The following UBN2 variants were observed in gnomAD, a reference collection of about 807,000 sequenced individuals.
The protein encoded by UBN2 is ubinuclein-2.
In UBN2, 35 loss-of-function variants were observed where a neutral mutation model predicts 120.2. The observed-to-expected ratio is 0.29, with a 90% CI of 0.22 to 0.39. UBN2 has a LOEUF of 0.39. UBN2 is among the 10% of genes least tolerant of loss of function. The pLI is 1.00. For missense variants in UBN2, 1,693 were observed against 1,663.2 expected (o/e 1.02, Z -0.31); for synonymous variants, 661 against 648.7 (o/e 1.02, Z -0.29).
intron 2 of UBN2, among the ~76,000 whole-genome samples, chr7:139,237,435 T>G (rs1316242270): frequency 2.0e-5 from 3 of 152,108 alleles, no homozygotes; most frequent in Non-Finnish European, 4.4e-5. Flanking sequence ...TAGCTGTGAC[T>G]ACAGGGGCAA....
rs1798373120 is a variant in UBN2, at chr7:139,307,214, A to G, written c.*9378A>G. On this transcript the variant is annotated 3_prime_UTR_variant, in exon 18 of 18. Coordinates refer to ENST00000473989, the MANE Select transcript of UBN2 (RefSeq NM_173569.4). Reference sequence around the variant, plus strand: ...GTTGATGGTCCTCTAGGTGAAAGACAAGAATTACTGTATTGCATTTGCTTA... The same window carrying G: ...GTTGATGGTCCTCTAGGTGAAAGACGAGAATTACTGTATTGCATTTGCTTA... 6.6e-6 allele frequency: 1 copy of G among 152,238 alleles called. No individual in the cohort carries two copies. Among genetic ancestry groups the G allele is most frequent in the South Asian group, 2.1e-4 (1 of 4,828 alleles). The allele number at this position is 152,238 out of a possible 1,614,324, so 9.4% of individuals were successfully genotyped here.
intron 3 of UBN2, among the ~76,000 whole-genome samples, chr7:139,252,936 GTTCT>G (rs1049153676): frequency 6.6e-6 from 1 of 151,972 alleles, no homozygotes; most frequent in African/African-American, 2.4e-5. Flanking sequence ...AGATTTTAGT[GTTCT>G]TTTTTTTTAA....
intron 1 of UBN2, among the ~76,000 whole-genome samples, chr7:139,236,332 A>T (rs747896220): frequency 6.6e-6 from 1 of 152,202 alleles, no homozygotes; most frequent in African/African-American, 2.4e-5. Context: ...AGTAATGTGT[A>T]TTCCCTGAAT....
intron 13 of UBN2, 109 bp from the exon 14 acceptor site, chr7:139,281,896 T>C (rs1563221637): frequency 2.1e-6 from 2 of 949,076 alleles, no homozygotes; most frequent in Non-Finnish European, 3.3e-6. Flanking sequence ...GTACTTCCAA[T>C]TGGTAGTGAG....
chr7:139,324,534 A>C, the UBN2 span, among the ~76,000 whole-genome samples: 41,335 of 139,510 alleles, frequency 0.3, 6,763 homozygotes, highest in African/African-American at 0.41. Flanking sequence ...CCAGCCTGGG[A>C]GACAGAGGGA....
Position 139,269,410 on chromosome 7 carries a change from C to G in UBN2, c.1483C>G (p.Gln495Glu). 1 of 1,613,940 alleles carries G rather than the reference C, an allele frequency of 6.2e-7. No homozygotes were observed. The highest frequency in any genetic ancestry group is 8.5e-7 in the Non-Finnish European group (1 of 1,179,982). Reference protein sequence around the residue: ...NILLDIELQLQELGPVIRSGV... With the variant: ...NILLDIELQLEELGPVIRSGV... ...TTTGGCCAGCATTGAGTTACAGCTA[C>G]AAGAACTAGGCCCTGTCATTCGCAG... Residue 495 changes from glutamine (Q) to glutamate (E), a missense_variant, in exon 8 of 18, where the codon CAA becomes GAA. Transcript: ENST00000473989.
In UBN2 at chr7:139,297,810, A is replaced by G. The variant is rs774360300; in HGVS notation, c.4018A>G (p.Thr1340Ala). The G allele has an allele frequency of 3.7e-6, 6 of 1,614,038 alleles. No homozygotes were observed. The African/African-American group carries it at 5.3e-5, about 14-fold the overall frequency. ...FHDGGQSKGDTKLPRKSQ is the reference protein window; with the variant it reads ...FHDGGQSKGDAKLPRKSQ ...AGATGGAGGCCAAAGTAAAGGGGAC[A>G]CTAAATTACCACGGAAATCTCAGTG... The change falls in exon 18 of 18, where the codon ACT (threonine) becomes GCT (alanine). Residue 1340 changes from threonine (T) to alanine (A), a missense_variant. Physicochemically the swap from Thr to Ala is moderately conservative, Grantham distance 58. Transcript: ENST00000473989.
At chr7:139,273,269 T>G in intron 9 of UBN2, 28 bp from the exon 10 acceptor site, 1 of 1,522,652 alleles carries the variant, frequency 6.6e-7, no homozygotes, top group Non-Finnish European at 9.0e-7. Context: ...GTTAAAAGTT[T>G]GTTTTGTAAA....
At chr7:139,315,915 A>G in the UBN2 span, among the ~76,000 whole-genome samples, 1 of 151,880 alleles carries the variant, frequency 6.6e-6, no homozygotes, top group Non-Finnish European at 1.5e-5. Context: ...CATCTCTACT[A>G]AAAACACAAA....
At chr7:139,310,392 A>G (rs1411807732), downstream of UBN2, among the ~76,000 whole-genome samples, 2 of 152,176 alleles carry the variant, frequency 1.3e-5, no homozygotes, top group Non-Finnish European at 2.9e-5. Context: ...AATCTTACCC[A>G]CAATCCCATC....
At chr7:139,245,931 C>T (rs1434513650) in intron 2 of UBN2, among the ~76,000 whole-genome samples, 2 of 152,118 alleles carry the variant, frequency 1.3e-5, no homozygotes. Context: ...TGGTTTGAGT[C>T]AACATGTACA....
intron 3 of UBN2, 145 bp from the exon 4 acceptor site, chr7:139,258,343 A>G (rs1796825093): frequency 1.8e-6 from 1 of 566,840 alleles, no homozygotes; most frequent in African/African-American, 1.9e-5. Context: ...AACCTTTTCT[A>G]AATTTATTTT....
Position 139,283,371 on chromosome 7 carries a change from T to C in UBN2, c.2466T>C (p.Asp822=), listed in dbSNP as rs1797673145. Residue 822 remains aspartate, a synonymous_variant, in exon 15 of 18, where the codon GAT becomes GAC. Coordinates refer to ENST00000473989, the MANE Select transcript of UBN2 (RefSeq NM_173569.4). ...KLPLATPKKL[D]STQTTHSSSL... ...CACTAGCTACTCCCAAAAAACTAGA[T>C]TCTACTCAGACTACACATTCTTCAA... 4 of 1,613,866 alleles carry C rather than the reference T, an allele frequency of 2.5e-6. No homozygotes were observed. The highest frequency in any genetic ancestry group is 2.2e-5 in the East Asian group (1 of 44,890).
the UBN2 span, among the ~76,000 whole-genome samples, chr7:139,317,098 A>G: frequency 6.6e-6 from 1 of 151,798 alleles, no homozygotes; most frequent in African/African-American, 2.4e-5. Flanking sequence ...AAATTTCATT[A>G]CAATATTTCA....
chr7:139,237,323 G>T (rs1404414335), intron 2 of UBN2, among the ~76,000 whole-genome samples: 1 of 152,050 alleles, frequency 6.6e-6, no homozygotes, highest in African/African-American at 2.4e-5. Flanking sequence ...TGGAAACAGG[G>T]TCTCGCTCTG....
intron 2 of UBN2, among the ~76,000 whole-genome samples, chr7:139,242,174 A>G (rs1435155121): frequency 2.0e-5 from 3 of 152,252 alleles, no homozygotes; most frequent in Middle Eastern, 3.2e-3. Context: ...TAAAATAATT[A>G]TAGATTATTG....
chr7:139,281,687 C>T (rs1352089789), intron 13 of UBN2, among the ~76,000 whole-genome samples: 8 of 152,236 alleles, frequency 5.3e-5, no homozygotes, highest in South Asian at 4.1e-4. Context: ...AAAAATTAAT[C>T]AAAAAGTTAT....
At chr7:139,264,332 T>A (rs564656832) in intron 6 of UBN2, among the ~76,000 whole-genome samples, 39 of 152,290 alleles carry the variant, frequency 2.6e-4, no homozygotes, top group Middle Eastern at 6.8e-3. Flanking sequence ...ATATACTGCC[T>A]CCAGCCACAC....
chr7:139,328,729 T>G, the UBN2 span, among the ~76,000 whole-genome samples: 1 of 152,006 alleles, frequency 6.6e-6, no homozygotes, highest in African/African-American at 2.4e-5. Context: ...TCAGGTATGG[T>G]GGCACATGCC....
Sources: gnomAD v4.1 joint callset for allele counts (sites outside exome capture counted in the v4.1 genomes callset) on GRCh38, gnomAD v4.1.1 for gene constraint, MANE v1.5 for transcripts, NCBI Gene and HGNC (gene_info 2026-07-23, HGNC 2026-07-21) for gene names.